The following PRKAG2 variants were observed in gnomAD, a reference collection of about 807,000 sequenced individuals.
The protein encoded by PRKAG2 is protein kinase AMP-activated non-catalytic subunit gamma 2, also known as 5'-AMP-activated protein kinase subunit gamma-2.
PRKAG2 carries 26 observed loss-of-function variants against 69.6 expected under a neutral mutation model. That is an observed-to-expected ratio of 0.37 (90% CI 0.27 to 0.52). The LOEUF is 0.52. Among genes scored for constraint, PRKAG2 ranks in the 20% least tolerant of loss-of-function variants. The probability of loss-of-function intolerance (pLI) is 0.90; values close to 1 mark genes in which losing one functional copy is unlikely to be tolerated. For missense variants in PRKAG2, 557 were observed against 740.0 expected (o/e 0.75, Z 2.87); for synonymous variants, 293 against 285.0 (o/e 1.03, Z -0.28).
intron 4 of PRKAG2, among the ~76,000 whole-genome samples, chr7:151,673,706 G>A (rs75006832): frequency 4.6e-5 from 7 of 152,210 alleles, no homozygotes; most frequent in East Asian, 1.9e-4. Context: ...AGATTGGACC[G>A]TATCTCCTAA....
At chr7:151,808,316 T>C (rs1311929918) in intron 1 of PRKAG2, among the ~76,000 whole-genome samples, 1 of 152,238 alleles carries the variant, frequency 6.6e-6, no homozygotes, top group Admixed American at 6.5e-5. Flanking sequence ...TCTTTTTTTT[T>C]CTTTTGCAAT....
chr7:151,807,397 C>A lies in PRKAG2; in HGVS notation c.115-20856G>T, dbSNP rs767721390. 1 of 457,458 alleles carries A rather than the reference C, an allele frequency of 2.2e-6. No individual in the cohort carries two copies. Among genetic ancestry groups the A allele is most frequent in the South Asian group, 1.5e-5 (1 of 64,564 alleles). 28.3% of individuals were successfully genotyped at this position (457,458 alleles called of 1,614,324 possible). A position where few individuals can be genotyped will look rare whatever the true frequency, so the allele number is the denominator to read the frequency against. ...CGGGAGTGGAATTTTCAGGAAGCAG[C>A]TGTGCTGTGGGTGACGGTCATACTT... On this transcript the variant is annotated intron_variant, in intron 1 of 15. Coordinates refer to ENST00000287878, the MANE Select transcript of PRKAG2 (RefSeq NM_016203.4). This position sits in a 1 kb window ranked among gnomAD's most constrained non-coding sequence, Gnocchi z 4.4.
At chr7:151,598,075 T>C (rs2151149496) in intron 5 of PRKAG2, among the ~76,000 whole-genome samples, 1 of 152,192 alleles carries the variant, frequency 6.6e-6, no homozygotes, top group South Asian at 2.1e-4. Context: ...CGCCAAAAGA[T>C]GAATGGATAA....
chr7:151,584,274 G>T (rs1811134320), intron 6 of PRKAG2, among the ~76,000 whole-genome samples: 1 of 152,158 alleles, frequency 6.6e-6, no homozygotes. Context: ...GGAACATGGG[G>T]CCTCCAATGA....
intron 4 of PRKAG2, among the ~76,000 whole-genome samples, chr7:151,655,623 G>A (rs577119415): frequency 6.6e-6 from 1 of 152,264 alleles, no homozygotes; most frequent in East Asian, 1.9e-4. Context: ...GAGGTCCCTT[G>A]TTCAAAAATT....
chr7:151,653,473 C>T (rs1204256850), intron 4 of PRKAG2, among the ~76,000 whole-genome samples: 1 of 152,102 alleles, frequency 6.6e-6, no homozygotes, highest in Non-Finnish European at 1.5e-5. Context: ...CCTCAGGCTA[C>T]TAGAATCCAA....
intron 3 of PRKAG2, among the ~76,000 whole-genome samples, chr7:151,768,161 T>G (rs1011678033): frequency 6.6e-6 from 1 of 152,186 alleles, no homozygotes; most frequent in Non-Finnish European, 1.5e-5. Flanking sequence ...GGGGGATCCA[T>G]AGCCATCATC....
intron 3 of PRKAG2, among the ~76,000 whole-genome samples, chr7:151,683,980 C>T (rs940281380): frequency 5.9e-5 from 9 of 152,196 alleles, no homozygotes; most frequent in African/African-American, 1.9e-4. Context: ...CTGGCTCCTA[C>T]ACCCTCTCCC....
At chr7:151,856,513 C>G (rs1171615457) in intron 1 of PRKAG2, among the ~76,000 whole-genome samples, 1 of 152,238 alleles carries the variant, frequency 6.6e-6, no homozygotes, top group Non-Finnish European at 1.5e-5. Flanking sequence ...GACAGCCACA[C>G]CGGGTTCAAT....
At chr7:151,742,720 T>A (rs1338858996) in intron 3 of PRKAG2, among the ~76,000 whole-genome samples, 1 of 152,160 alleles carries the variant, frequency 6.6e-6, no homozygotes, top group Non-Finnish European at 1.5e-5. Context: ...TACAACAAGC[T>A]GACCTGCCTT....
chr7:151,760,154 G>A (rs566542392), intron 3 of PRKAG2, among the ~76,000 whole-genome samples: 1 of 152,352 alleles, frequency 6.6e-6, no homozygotes, highest in African/African-American at 2.4e-5. Flanking sequence ...AGCAGGCAGA[G>A]CCCAGACCTG....
In PRKAG2 at chr7:151,572,729, T is replaced by C; in HGVS notation, c.1006-20A>G. ...CTGTACCTGCAAATAAAAAAATTCT[T>C]ATTTATAAATATACATATACAACAT... is the stretch of plus-strand genomic sequence containing the variant. On this transcript the variant is annotated intron_variant, in intron 8 of 15. Coordinates refer to ENST00000287878, the MANE Select transcript of PRKAG2 (RefSeq NM_016203.4). The C allele has an allele frequency of 7.2e-7, 1 of 1,387,520 alleles. No individual in the cohort carries two copies. Among genetic ancestry groups the C allele is most frequent in the Middle Eastern group, 1.9e-4 (1 of 5,292 alleles). The allele number at this position is 1,387,520 out of a possible 1,614,324, so 86.0% of individuals were successfully genotyped here.
chr7:151,701,768 G>A (rs1253281088), intron 3 of PRKAG2, among the ~76,000 whole-genome samples: 4 of 151,640 alleles, frequency 2.6e-5, no homozygotes, highest in Middle Eastern at 3.4e-3. Flanking sequence ...GCGTGAACCC[G>A]TGAAGCGGGG....
rs868480036 is a variant in PRKAG2 at position 151,876,786 on chromosome 7, C to T, written c.-166G>A. 2.3e-4 allele frequency: 151 copies of T among 667,398 alleles called. No individual in the cohort carries two copies. The highest frequency in any genetic ancestry group is 1.3e-3 in the Middle Eastern group (4 of 3,112). 41.3% of individuals were successfully genotyped at this position (667,398 alleles called of 1,614,324 possible). ...AGGGTGAGCAGGGAACTCGCGCGGC[C>T]GCCGCCGCCGCCGAAGCGCCGAATT... On this transcript the variant is annotated 5_prime_UTR_variant, in exon 1 of 16. Coordinates refer to ENST00000287878, the MANE Select transcript of PRKAG2 (RefSeq NM_016203.4).
At chr7:151,655,827 T>A (rs1016318475) in intron 4 of PRKAG2, among the ~76,000 whole-genome samples, 1 of 152,204 alleles carries the variant, frequency 6.6e-6, no homozygotes, top group Non-Finnish European at 1.5e-5. Flanking sequence ...ACAGCACTTA[T>A]AAGAGTGCCA....
intron 1 of PRKAG2, among the ~76,000 whole-genome samples, chr7:151,824,008 G>A (rs1197497600): frequency 6.6e-6 from 1 of 152,176 alleles, no homozygotes; most frequent in African/African-American, 2.4e-5. Flanking sequence ...GTGTGTGGGA[G>A]GCCCCCAGTT....
intron 3 of PRKAG2, among the ~76,000 whole-genome samples, chr7:151,689,201 G>A (rs1252685180): frequency 1.3e-5 from 2 of 152,194 alleles, no homozygotes; most frequent in African/African-American, 4.8e-5. Flanking sequence ...AACCCTTGGT[G>A]GTAGCTCACT....
At chr7:151,786,672 T>C (rs1048407072) in intron 1 of PRKAG2, 131 bp from the exon 2 acceptor site, 47 of 763,562 alleles carry the variant, frequency 6.2e-5, no homozygotes, top group Non-Finnish European at 9.1e-5. Flanking sequence ...AGAAGGGATG[T>C]GGACGTGTTT....
intron 4 of PRKAG2, among the ~76,000 whole-genome samples, chr7:151,668,795 C>T (rs970577671): frequency 1.3e-5 from 2 of 152,222 alleles, no homozygotes; most frequent in African/African-American, 4.8e-5. Flanking sequence ...CACCCTCTTA[C>T]AGGTTCCTTC....
Sources: gnomAD v4.1 joint callset for allele counts (sites outside exome capture counted in the v4.1 genomes callset) on GRCh38, gnomAD v4.1.1 for gene constraint, Gnocchi (gnomAD v3.1) non-coding constraint, MANE v1.5 for transcripts, NCBI Gene and HGNC (gene_info 2026-07-23, HGNC 2026-07-21) for gene names.